The following HIP1 variants were observed in gnomAD, a reference collection of about 807,000 sequenced individuals.
HIP1 encodes huntingtin interacting protein 1.
A neutral mutation model predicts 147.6 loss-of-function variants in HIP1; 65 were observed. The observed-to-expected ratio is 0.44, with a 90% CI of 0.36 to 0.54. The LOEUF is 0.54. Ranked by LOEUF, HIP1 falls within the 20% of genes least tolerant of loss-of-function variation. The pLI is 0.00. For missense variants in HIP1, 1,061 were observed against 1,299.6 expected, an observed-to-expected ratio of 0.82 and a Z score of 2.82; for synonymous variants, 479 against 504.0, an observed-to-expected ratio of 0.95 and a Z score of 0.67.
intron 1 of HIP1, among the ~76,000 whole-genome samples, chr7:75,610,847 T>A (rs58661528): frequency 0.15 from 22,345 of 146,594 alleles, 2,903 homozygotes; most frequent in African/African-American, 0.35. Context: ...TATTAAAAAA[T>A]ATATATATAT....
chr7:75,667,214 A>G (rs552418375), intron 1 of HIP1, among the ~76,000 whole-genome samples: 24 of 152,142 alleles, frequency 1.6e-4, no homozygotes, highest in Non-Finnish European at 3.4e-4. Context: ...CTTTCTGGGA[A>G]AAGGTACCCT....
chr7:75,664,369 CACAT>C (rs1554514283), intron 1 of HIP1, among the ~76,000 whole-genome samples: 2 of 63,432 alleles, frequency 3.2e-5, no homozygotes. Context: ...TACATATATA[CACAT>C]ACATATGTGT....
At chr7:75,623,629 T>C (rs1215066504) in intron 1 of HIP1, among the ~76,000 whole-genome samples, 5 of 152,306 alleles carry the variant, frequency 3.3e-5, no homozygotes, top group African/African-American at 1.2e-4. Flanking sequence ...TGCCTGGAGC[T>C]GCACTCAAGG....
chr7:75,691,413 C>A (rs1554518142), intron 1 of HIP1, among the ~76,000 whole-genome samples: 1 of 151,202 alleles, frequency 6.6e-6, no homozygotes, highest in Non-Finnish European at 1.5e-5. Flanking sequence ...ATCGCTTGAA[C>A]CTGGGAAGCA....
At chr7:75,727,345 C>T (rs569823611) in intron 1 of HIP1, among the ~76,000 whole-genome samples, 21 of 151,886 alleles carry the variant, frequency 1.4e-4, no homozygotes, top group African/African-American at 4.8e-4. Flanking sequence ...ATCCGCCCAC[C>T]TCAGCCTCCC....
intron 1 of HIP1, among the ~76,000 whole-genome samples, chr7:75,661,760 G>C (rs1358972656): frequency 6.6e-6 from 1 of 151,896 alleles, no homozygotes; most frequent in Non-Finnish European, 1.5e-5. Context: ...CTACAGCAGA[G>C]TAACGCAGGC....
At chr7:75,610,383 T>C (rs1554504647) in intron 1 of HIP1, among the ~76,000 whole-genome samples, 1 of 151,836 alleles carries the variant, frequency 6.6e-6, no homozygotes, top group Non-Finnish European at 1.5e-5. Flanking sequence ...CTAATTTTTT[T>C]GTATTTTTTG....
intron 1 of HIP1, among the ~76,000 whole-genome samples, chr7:75,624,188 G>A (rs587716755): frequency 1.3e-5 from 2 of 152,326 alleles, no homozygotes; most frequent in South Asian, 2.1e-4. Context: ...TGGAGGCCAC[G>A]GAATCAGGCA....
intron 28 of HIP1, among the ~76,000 whole-genome samples, chr7:75,542,565 G>A (rs587744964): frequency 6.6e-6 from 1 of 152,110 alleles, no homozygotes; most frequent in African/African-American, 2.4e-5. Flanking sequence ...CAGGCATGGT[G>A]GCGGGCGCCT....
Position 75,557,748 on chromosome 7 carries a change from A to G in HIP1, c.1487T>C (p.Val496Ala). The G allele has an allele frequency of 6.2e-7, 1 of 1,613,972 alleles. No individual in the cohort carries two copies. Among genetic ancestry groups the G allele is most frequent in the African/African-American group, 1.3e-5 (1 of 75,020 alleles). The change falls in exon 16 of 31, where the codon GTG (valine) becomes GCG (alanine). Residue 496 changes from valine (V) to alanine (A), a missense_variant. By Grantham distance (64) the Val-to-Ala change is moderately conservative. This residue lies in a region of HIP1 where 810 missense variants were observed against 946.8 expected (regional missense o/e 0.86). Coordinates refer to ENST00000336926, the MANE Select transcript of HIP1 (RefSeq NM_005338.7). ...LRKNAEVTKQVSMARQAQVDL... is the reference protein window; with the variant it reads ...LRKNAEVTKQASMARQAQVDL... ...TACCTGGGCTTGTCTGGCCATGGACACCTGTTTGGTCACCTCTGCATTCTG... is the reference window on the plus strand; with the variant it reads ...TACCTGGGCTTGTCTGGCCATGGACGCCTGTTTGGTCACCTCTGCATTCTG...
chr7:75,568,241 G>A lies in HIP1; in HGVS notation c.761C>T (p.Thr254Ile), dbSNP rs1158900081. 1 of 1,612,824 alleles carries A rather than the reference G, an allele frequency of 6.2e-7. No individual in the cohort carries two copies. ...GAAGCGGTCCCGGTGGCCTTGCAGG[G>A]TGTCAGCTGGGAGGCCTGGAAGAAA... Reference protein sequence around the residue: ...FKLHSCLPADTLQGHRDRFME... With the variant: ...FKLHSCLPADILQGHRDRFME... The change falls in exon 9 of 31, where the codon ACC becomes ATC. Residue 254 changes from threonine to isoleucine, a missense_variant. By Grantham distance (89) the Thr-to-Ile change is moderately conservative. This residue lies in a region of HIP1 where 26 missense variants were observed against 59.9 expected (regional missense o/e 0.43). Transcript: ENST00000336926. This position sits in a 1 kb window ranked among gnomAD's most constrained non-coding sequence, Gnocchi z 4.1.
chr7:75,650,576 C>A (rs1464300814), intron 1 of HIP1, among the ~76,000 whole-genome samples: 1 of 151,398 alleles, frequency 6.6e-6, no homozygotes, highest in East Asian at 1.9e-4. Context: ...TTTTAGCCTC[C>A]CAAGTTGCTG....
rs190780417 is a variant in HIP1, at chr7:75,567,235, A to G, written c.803+964T>C. Among the ~76,000 whole-genome samples the G allele has an allele frequency of 3.2e-4, 49 of 151,174 alleles. 3 individuals carry two copies. Among genetic ancestry groups the G allele is most frequent in the Admixed American group, 2.6e-3 (40 of 15,220 alleles). On this transcript the variant is annotated intron_variant, in intron 9 of 30. Transcript: ENST00000336926. ...TTTAAGTATGCTATACAGATGTCAA[A>G]TTGGGGACAAGAGGCTGGCATTCAG...
intron 7 of HIP1, 85 bp from the exon 8 acceptor site, chr7:75,573,986 C>A: frequency 8.1e-7 from 1 of 1,235,150 alleles, no homozygotes; most frequent in Non-Finnish European, 1.2e-6. Context: ...AGGGGTCCAA[C>A]ATACACCAAG....
intron 1 of HIP1, among the ~76,000 whole-genome samples, chr7:75,607,233 G>T (rs10280756): frequency 0.26 from 35,323 of 134,464 alleles, 9,002 homozygotes; most frequent in African/African-American, 0.68. Flanking sequence ...TTTTTGTTTT[G>T]TTTTTTTTTT....
At chr7:75,545,699 A>T (rs1379529614) in intron 25 of HIP1, among the ~76,000 whole-genome samples, 15 of 152,144 alleles carry the variant, frequency 9.9e-5, no homozygotes, top group Non-Finnish European at 2.2e-4. Flanking sequence ...TAATCCCAGC[A>T]CTTTGCGAGG....
chr7:75,580,611 G>A lies in HIP1; in HGVS notation c.604+626C>T, dbSNP rs116952272. ...AAAAATCAGCCAGATGTGGTGGTGCGTGCCTGTAGTCCCAGCTACTTGGGA... is the reference window on the plus strand; with the variant it reads ...AAAAATCAGCCAGATGTGGTGGTGCATGCCTGTAGTCCCAGCTACTTGGGA... On this transcript the variant is annotated intron_variant, in intron 7 of 30. Coordinates refer to ENST00000336926, the MANE Select transcript of HIP1 (RefSeq NM_005338.7). Among the ~76,000 whole-genome samples the A allele has an allele frequency of 3.3e-3, 505 of 152,174 alleles. 3 individuals are homozygous for A. Among genetic ancestry groups the A allele is most frequent in the Non-Finnish European group, 4.7e-3 (320 of 67,992 alleles).
At chr7:75,561,285 C>T (rs782077558) in intron 13 of HIP1, 44 bp downstream of exon 13, 24 of 1,294,490 alleles carry the variant, frequency 1.9e-5, no homozygotes, top group Admixed American at 5.0e-5. Flanking sequence ...TCAAATCTAC[C>T]GTGTTTTGGT....
chr7:75,714,331 G>A (rs1465999589), intron 1 of HIP1, among the ~76,000 whole-genome samples: 4 of 152,066 alleles, frequency 2.6e-5, no homozygotes, highest in Non-Finnish European at 5.9e-5. Context: ...GAGCCGCCGC[G>A]CCTGGCCTTT....
Sources: gnomAD v4.1 joint callset for allele counts (sites outside exome capture counted in the v4.1 genomes callset) on GRCh38, gnomAD v4.1.1 for gene constraint, gnomAD v4.1.1 regional missense constraint, Gnocchi (gnomAD v3.1) non-coding constraint, MANE v1.5 for transcripts, NCBI Gene and HGNC (gene_info 2026-07-23, HGNC 2026-07-21) for gene names.